Variants in ABHD2 observed in about 807,000 individuals in gnomAD.
ABHD2 encodes abhydrolase domain containing 2, acylglycerol lipase.
A neutral mutation model predicts 48.1 loss-of-function variants in ABHD2; 20 were observed. The observed-to-expected ratio is 0.42, with a 90% CI of 0.29 to 0.60. The LOEUF (loss-of-function observed/expected upper bound fraction) is 0.60. Among genes scored for constraint, ABHD2 ranks in the 20% least tolerant of loss-of-function variants. The probability of loss-of-function intolerance (pLI) is 0.24; values close to 1 mark genes in which losing one functional copy is unlikely to be tolerated. For missense variants in ABHD2, 405 were observed against 550.9 expected, an observed-to-expected ratio of 0.74 and a Z score of 2.65; for synonymous variants, 209 against 214.2, an observed-to-expected ratio of 0.98 and a Z score of 0.21.
chr15:89,156,115 C>CTTTTTTT (rs1185978751), intron 5 of ABHD2, among the ~76,000 whole-genome samples: 6 of 85,658 alleles, frequency 7.0e-5, no homozygotes, highest in African/African-American at 9.3e-5. Context: ...TTTTTATTGT[C>CTTTTTTT]TTTTTTTTTT....
rs139269189 is a variant in ABHD2, at chr15:89,161,334, C to A, written c.538+5800C>A. 4.3e-3 allele frequency among the ~76,000 whole-genome samples: 662 copies of A among 152,210 alleles called. 7 individuals carry two copies. Among genetic ancestry groups the A allele is most frequent in the African/African-American group, 0.015 (624 of 41,540 alleles). ...CTCAACAATTGTTCAACTCATGGCC[C>A]ATCTTGTTTCCTTTACTCCCTTCTG... On this transcript the variant is annotated intron_variant, in intron 5 of 10. Coordinates refer to ENST00000352732, the MANE Select transcript of ABHD2 (RefSeq NM_152924.5).
At chr15:89,154,287 A>G (rs2050636956) in intron 4 of ABHD2, among the ~76,000 whole-genome samples, 1 of 152,230 alleles carries the variant, frequency 6.6e-6, no homozygotes, top group South Asian at 2.1e-4. Context: ...TGCATATTGG[A>G]AAATTGCTTA....
In ABHD2 at chr15:89,113,839, G is replaced by A. The variant is rs941430277; in HGVS notation, c.-7+15G>A. ...AAGTAACATTGGTATGTATTGCTGA[G>A]ACTCTTATTTTTGTTTCTCCTCCCC... On this transcript the variant is annotated intron_variant, in intron 2 of 10. Transcript: ENST00000352732. 3 of 152,150 alleles carry A rather than the reference G, an allele frequency of 2.0e-5. No homozygotes were observed. The highest frequency in any genetic ancestry group is 7.2e-5 in the African/African-American group (3 of 41,424). 9.4% of individuals were successfully genotyped at this position (152,150 alleles called of 1,614,324 possible). A position where few individuals can be genotyped will look rare whatever the true frequency, so the allele number is the denominator to read the frequency against.
At position 89,094,949 on chromosome 15, in the gene ABHD2, A is replaced by G. The variant is rs2049588729; in HGVS notation, c.-107+6386A>G. On this transcript the variant is annotated intron_variant, in intron 1 of 10. Coordinates refer to ENST00000352732, the MANE Select transcript of ABHD2 (RefSeq NM_152924.5). This position sits in a 1 kb window ranked among gnomAD's most constrained non-coding sequence, Gnocchi z 4.7. ...CATGGTGGTTCACACTCAGAATCCC[A>G]GCTACTCGGGAAGCTGAAGCAGGAG... is the stretch of plus-strand genomic sequence containing the variant. 1.3e-5 allele frequency among the ~76,000 whole-genome samples: 2 copies of G among 151,014 alleles called. No homozygotes were observed. Among genetic ancestry groups the G allele is most frequent in the Admixed American group, 1.3e-4 (2 of 15,118 alleles).
intron 3 of ABHD2, among the ~76,000 whole-genome samples, chr15:89,139,164 T>G (rs1356011332): frequency 6.6e-6 from 1 of 152,202 alleles, no homozygotes; most frequent in Non-Finnish European, 1.5e-5. Context: ...TGAGCCGTAG[T>G]TGTACCACTG....
In ABHD2 at chr15:89,182,326, C is replaced by T. The variant is rs765758326; in HGVS notation, c.723-3098C>T. On this transcript the variant is annotated intron_variant, in intron 6 of 10. Coordinates refer to ENST00000352732, the MANE Select transcript of ABHD2 (RefSeq NM_152924.5). This position sits in a 1 kb window ranked among gnomAD's most constrained non-coding sequence, Gnocchi z 4.8. Reference sequence around the variant, plus strand: ...ACTCTGAATTTTGCAAAGCCATTCCCTCCCTGTAATTCTGCCCGAGCTGCC... The same window carrying T: ...ACTCTGAATTTTGCAAAGCCATTCCTTCCCTGTAATTCTGCCCGAGCTGCC... Among the ~76,000 whole-genome samples, 6 of 152,212 alleles carry T rather than the reference C, an allele frequency of 3.9e-5. No individual in the cohort carries two copies. In the South Asian group the frequency reaches 1.2e-3, roughly 32 times the overall value.
chr15:89,062,361 TG>T, the ABHD2 span, among the ~76,000 whole-genome samples: 3 of 150,806 alleles, frequency 2.0e-5, no homozygotes, highest in South Asian at 2.1e-4. Flanking sequence ...TGTTTTTGTG[TG>T]GGGGGGTGGG....
Position 89,120,766 on chromosome 15 carries a change from T to TGAGCCACCACACTGGCCC in ABHD2, c.194+4246_194+4263dup, listed in dbSNP as rs1415419862. ...TTCCAAAGTGCTGCGATTACAGGCG[T>TGAGCCACCACACTGGCCC]GAGCCACCACACTGGCCCTATAGCT... On this transcript the variant is annotated intron_variant, in intron 3 of 10. Transcript: ENST00000352732. This position sits in a 1 kb window ranked among gnomAD's most constrained non-coding sequence, Gnocchi z 4.2. 6.6e-6 allele frequency: 1 copy of TGAGCCACCACACTGGCCC among 152,216 alleles called. No homozygotes were observed. Among genetic ancestry groups the TGAGCCACCACACTGGCCC allele is most frequent in the Non-Finnish European group, 1.5e-5 (1 of 68,060 alleles). 9.4% of individuals were successfully genotyped at this position (152,216 alleles called of 1,614,324 possible). A position where few individuals can be genotyped will look rare whatever the true frequency, so the allele number is the denominator to read the frequency against.
chr15:89,066,337 G>C, the ABHD2 span, among the ~76,000 whole-genome samples: 1 of 152,204 alleles, frequency 6.6e-6, no homozygotes, highest in African/African-American at 2.4e-5. Flanking sequence ...TTGGTTTGTA[G>C]ATGCATCATT....
At chr15:89,052,550 GACAGACAGACAC>G in the ABHD2 span, among the ~76,000 whole-genome samples, 388 of 107,424 alleles carry the variant, frequency 3.6e-3, 2 homozygotes, top group Non-Finnish European at 6.0e-3. Flanking sequence ...CAGACAGACA[GACAGACAGACAC>G]ACACACACAC....
At chr15:89,085,254 G>A (rs1175035900), upstream of ABHD2, among the ~76,000 whole-genome samples, 1 of 151,870 alleles carries the variant, frequency 6.6e-6, no homozygotes, top group Non-Finnish European at 1.5e-5. This position sits in a 1 kb window ranked among gnomAD's most constrained non-coding sequence, Gnocchi z 4.2. Context: ...GTACTGTCAC[G>A]GTTTTGAAAA....
intron 10 of ABHD2, among the ~76,000 whole-genome samples, chr15:89,193,650 T>C (rs936039988): frequency 6.6e-6 from 1 of 152,170 alleles, no homozygotes; most frequent in Admixed American, 6.5e-5. Context: ...TAAAGAGATA[T>C]TTAGATTTAA....
Position 89,169,889 on chromosome 15 carries a change from C to T in ABHD2, c.539-5923C>T, listed in dbSNP as rs540598096. Among the ~76,000 whole-genome samples the T allele has an allele frequency of 5.1e-4, 77 of 151,958 alleles. 1 individual carries two copies. The highest frequency in any genetic ancestry group is 1.7e-3 in the African/African-American group (71 of 41,432). On this transcript the variant is annotated intron_variant, in intron 5 of 10. Transcript: ENST00000352732. ...GAGTGAAACTAGATCTTTTTCCTAC[C>T]CTAGACCCCCAGTTTTTCTCCCCAG...
the ABHD2 span, among the ~76,000 whole-genome samples, chr15:89,073,007 A>G: frequency 1.3e-5 from 2 of 152,186 alleles, no homozygotes; most frequent in Non-Finnish European, 2.9e-5. Context: ...TAGCCCACAC[A>G]ATATTTGAGA....
the ABHD2 span, among the ~76,000 whole-genome samples, chr15:89,067,409 G>A: frequency 6.6e-6 from 1 of 152,216 alleles, no homozygotes; most frequent in Admixed American, 6.5e-5. Flanking sequence ...TAGCCTGGGA[G>A]TGCTAGAAGC....
chr15:89,082,031 T>C, the ABHD2 span, among the ~76,000 whole-genome samples: 3 of 152,104 alleles, frequency 2.0e-5, no homozygotes, highest in Non-Finnish European at 4.4e-5. This position sits in a 1 kb window ranked among gnomAD's most constrained non-coding sequence, Gnocchi z 4.4. Flanking sequence ...GGGGCTGTCC[T>C]GGGCACTGGA....
At chr15:89,056,331 T>C in the ABHD2 span, among the ~76,000 whole-genome samples, 1 of 152,280 alleles carries the variant, frequency 6.6e-6, no homozygotes. Flanking sequence ...CAAGAATATG[T>C]ATGGATTTTG....
chr15:89,191,863 G>A (rs991438328), intron 9 of ABHD2, among the ~76,000 whole-genome samples: 3 of 152,052 alleles, frequency 2.0e-5, no homozygotes, highest in Admixed American at 6.5e-5. Flanking sequence ...TCCTCACCTC[G>A]TGATCTGCCT....
chr15:89,197,938 A>G lies in ABHD2; in HGVS notation c.*2515A>G, dbSNP rs985125863. The G allele has an allele frequency of 6.6e-6, 1 of 152,198 alleles. No individual in the cohort carries two copies. Among genetic ancestry groups the G allele is most frequent in the African/African-American group, 2.4e-5 (1 of 41,448 alleles). 9.4% of individuals were successfully genotyped at this position (152,198 alleles called of 1,614,324 possible). A position where few individuals can be genotyped will look rare whatever the true frequency, so the allele number is the denominator to read the frequency against. On this transcript the variant is annotated 3_prime_UTR_variant, in exon 11 of 11. Coordinates refer to ENST00000352732, the MANE Select transcript of ABHD2 (RefSeq NM_152924.5). The surrounding 1 kb of genome is among the most constrained non-coding windows in gnomAD (Gnocchi z 4.4). Reference sequence around the variant, plus strand: ...TCAGGCTCTTAGGCATGGAAATGAGAATGTGACTGTGGCTGTCTTACAGGA... The same window carrying G: ...TCAGGCTCTTAGGCATGGAAATGAGGATGTGACTGTGGCTGTCTTACAGGA...
Sources: allele counts gnomAD v4.1 joint callset (sites outside exome capture counted in the v4.1 genomes callset), GRCh38; gene constraint gnomAD v4.1.1; non-coding constraint Gnocchi (gnomAD v3.1); transcripts MANE v1.5; gene names NCBI Gene and HGNC (gene_info 2026-07-23, HGNC 2026-07-21).